Variants in FMN2 observed in about 807,000 individuals in gnomAD.
The protein encoded by FMN2 is formin-2.
A neutral mutation model predicts 142.3 loss-of-function variants in FMN2; 51 were observed. The observed-to-expected ratio is 0.36, with a 90% confidence interval of 0.29 to 0.45. FMN2 has a LOEUF of 0.45. Among genes scored for constraint, FMN2 ranks in the 20% least tolerant of loss-of-function variants. FMN2 has a pLI of 1.00. For synonymous variants in FMN2, 882 were observed against 869.8 expected, an observed-to-expected ratio of 1.01 and a Z score of -0.25; for missense variants, 1,936 against 2,122.8, an observed-to-expected ratio of 0.91 and a Z score of 1.73.
At chr1:240,409,020 A>G (rs1463496609) in intron 15 of FMN2, among the ~76,000 whole-genome samples, 2 of 152,156 alleles carry the variant, frequency 1.3e-5, no homozygotes, top group African/African-American at 4.8e-5. Context: ...ATAAATTAAC[A>G]TAACATCCCA....
intron 2 of FMN2, among the ~76,000 whole-genome samples, chr1:240,138,454 C>T (rs1663045108): frequency 6.6e-6 from 1 of 152,050 alleles, no homozygotes; most frequent in South Asian, 2.1e-4. Context: ...AATCCCAGCA[C>T]TTTGGGAGGC....
chr1:240,169,105 G>T (rs889900670), intron 2 of FMN2, among the ~76,000 whole-genome samples: 1 of 152,134 alleles, frequency 6.6e-6, no homozygotes, highest in African/African-American at 2.4e-5. Context: ...CAGCTAATCT[G>T]GAGGCTGAGG....
At chr1:240,263,715 A>C (rs75262542) in intron 7 of FMN2, among the ~76,000 whole-genome samples, 1 of 152,186 alleles carries the variant, frequency 6.6e-6, no homozygotes, top group Non-Finnish European at 1.5e-5. Context: ...TTGAAAATAG[A>C]TTACAGATCT....
At chr1:240,305,200 A>G (rs1404803451) in intron 8 of FMN2, among the ~76,000 whole-genome samples, 1 of 152,214 alleles carries the variant, frequency 6.6e-6, no homozygotes, top group Non-Finnish European at 1.5e-5. Flanking sequence ...AGATTTAGTC[A>G]GATTTTCCTC....
intron 14 of FMN2, among the ~76,000 whole-genome samples, chr1:240,388,728 G>T (rs1673498095): frequency 6.6e-6 from 1 of 151,936 alleles, no homozygotes; most frequent in Non-Finnish European, 1.5e-5. Flanking sequence ...TGGGTGTTGT[G>T]GCATGCGCCT....
intron 14 of FMN2, among the ~76,000 whole-genome samples, chr1:240,384,165 G>A (rs1281172260): frequency 6.6e-6 from 1 of 152,048 alleles, no homozygotes; most frequent in Non-Finnish European, 1.5e-5. Context: ...AGAGGAAGAG[G>A]AGGGAAGGGT....
At position 240,091,918 on chromosome 1, in the gene FMN2, C is replaced by A. The variant is rs912093266; in HGVS notation, c.-192C>A. On this transcript the variant is annotated 5_prime_UTR_variant, in exon 1 of 18. Coordinates refer to ENST00000319653, the MANE Select transcript of FMN2 (RefSeq NM_020066.5). ...CCGCAGCGACGGCAGCCACGGGAGC[C>A]GCCGCGCATTATGCAAAGCGGCGGC... The A allele has an allele frequency of 1.1e-4, 106 of 976,484 alleles. No homozygotes were observed. The highest frequency in any genetic ancestry group is 1.4e-4 in the Non-Finnish European group (99 of 719,682). The allele number at this position is 976,484 out of a possible 1,614,324, so 60.5% of individuals were successfully genotyped here. A position where few individuals can be genotyped will look rare whatever the true frequency, so the allele number is the denominator to read the frequency against.
chr1:240,209,352 C>G (rs777869714), intron 5 of FMN2, among the ~76,000 whole-genome samples: 106 of 151,528 alleles, frequency 7.0e-4, no homozygotes, highest in Middle Eastern at 3.4e-3. Context: ...CCGGGTTCAC[C>G]CCATTCTCCT....
chr1:240,331,840 A>G (rs550220966), intron 11 of FMN2, among the ~76,000 whole-genome samples: 13 of 152,280 alleles, frequency 8.5e-5, no homozygotes, highest in African/African-American at 3.1e-4. Context: ...CAAATCATCT[A>G]ACACAAAGCC....
At chr1:240,176,952 A>T (rs1266121602) in intron 2 of FMN2, among the ~76,000 whole-genome samples, 1 of 152,200 alleles carries the variant, frequency 6.6e-6, no homozygotes, top group Non-Finnish European at 1.5e-5. Flanking sequence ...TTAATTTGTT[A>T]AATACAGAAA....
chr1:240,355,114 G>A (rs889231699), intron 13 of FMN2, among the ~76,000 whole-genome samples: 2 of 152,108 alleles, frequency 1.3e-5, no homozygotes, highest in Admixed American at 6.5e-5. Context: ...TTTCAGTTAT[G>A]AATTTGCTGC....
chr1:240,142,345 G>A (rs1268197696), intron 2 of FMN2, among the ~76,000 whole-genome samples: 1 of 152,062 alleles, frequency 6.6e-6, no homozygotes, highest in African/African-American at 2.4e-5. Flanking sequence ...GAGCTATTTT[G>A]AATCTGAAAG....
intron 6 of FMN2, among the ~76,000 whole-genome samples, chr1:240,236,073 G>A (rs151292085): frequency 5.1e-4 from 77 of 152,314 alleles, no homozygotes; most frequent in African/African-American, 1.8e-3. Context: ...CACAAAGGAG[G>A]TGGGTGTGTG....
In FMN2 at chr1:240,091,958, C is replaced by A; in HGVS notation, c.-152C>A. The A allele has an allele frequency of 7.8e-7, 1 of 1,288,916 alleles. No individual in the cohort carries two copies. Among genetic ancestry groups the A allele is most frequent in the Non-Finnish European group, 1.0e-6 (1 of 995,756 alleles). 79.8% of individuals were successfully genotyped at this position (1,288,916 alleles called of 1,614,324 possible). On this transcript the variant is annotated 5_prime_UTR_variant, in exon 1 of 18. Transcript: ENST00000319653. Reference sequence around the variant, plus strand: ...AAAGCGGCGGCAGATGCGAGCGGGGCCAGCCGGGCGCGCGTCGGCCTCCCC... The same window carrying A: ...AAAGCGGCGGCAGATGCGAGCGGGGACAGCCGGGCGCGCGTCGGCCTCCCC...
intron 2 of FMN2, among the ~76,000 whole-genome samples, chr1:240,138,629 C>T (rs1185662354): frequency 2.0e-5 from 3 of 152,042 alleles, no homozygotes; most frequent in Non-Finnish European, 4.4e-5. Context: ...ATCGCTTGAA[C>T]CAAGGAGCTG....
chr1:240,161,504 G>A (rs1664279945), intron 2 of FMN2, among the ~76,000 whole-genome samples: 1 of 151,460 alleles, frequency 6.6e-6, no homozygotes, highest in Non-Finnish European at 1.5e-5. Flanking sequence ...CTGCACTCCA[G>A]CCTGGGCGAC....
intron 15 of FMN2, among the ~76,000 whole-genome samples, chr1:240,426,682 A>C (rs1348033464): frequency 6.6e-6 from 1 of 152,088 alleles, no homozygotes; most frequent in Non-Finnish European, 1.5e-5. Context: ...TCCCCAACAG[A>C]TATAATTTCA....
Position 240,092,501 on chromosome 1 carries a change from C to T in FMN2, c.392C>T (p.Ser131Leu). The part of the protein sequence containing the change: ...LSLSADEAGL[S>L]DTECADPFEV... ...CTCTCGGCGGACGAGGCCGGCCTGTCGGATACCGAGTGTGCGGACCCTTTT... is the reference window on the plus strand; with the variant it reads ...CTCTCGGCGGACGAGGCCGGCCTGTTGGATACCGAGTGTGCGGACCCTTTT... The change falls in exon 1 of 18, where the codon TCG becomes TTG. Residue 131 changes from serine to leucine, a missense_variant. Ser to Leu is a moderately radical substitution (Grantham distance 145). This residue lies in a region of FMN2 where 751 missense variants were observed against 791.8 expected (regional missense o/e 0.95). Coordinates refer to ENST00000319653, the MANE Select transcript of FMN2 (RefSeq NM_020066.5). The T allele has an allele frequency of 2.5e-6, 4 of 1,606,924 alleles. No homozygotes were observed. The highest frequency in any genetic ancestry group is 1.3e-5 in the African/African-American group (1 of 74,884).
At chr1:240,437,441 G>T (rs762684270) in intron 15 of FMN2, among the ~76,000 whole-genome samples, 82 of 151,940 alleles carry the variant, frequency 5.4e-4, no homozygotes, top group Middle Eastern at 3.4e-3. Context: ...GACTACAGGT[G>T]CCCACCACCA....
Sources: gnomAD v4.1 joint callset for allele counts (sites outside exome capture counted in the v4.1 genomes callset) on GRCh38, gnomAD v4.1.1 for gene constraint, gnomAD v4.1.1 regional missense constraint, MANE v1.5 for transcripts, NCBI Gene and HGNC (gene_info 2026-07-23, HGNC 2026-07-21) for gene names.